NSG2: variants seen among roughly 807,000 people sequenced by gnomAD.
NSG2 encodes the protein neuronal vesicle trafficking-associated protein 2.
In NSG2, 4 loss-of-function variants were observed where a neutral mutation model predicts 16.9. The ratio of observed to expected loss-of-function variants is 0.24; its 90% CI spans 0.12 to 0.54. The LOEUF (loss-of-function observed/expected upper bound fraction) is 0.54, where lower values mean the gene tolerates loss of function less well. NSG2 is among the 20% of genes least tolerant of loss of function. NSG2 has a pLI of 0.95. For synonymous variants in NSG2, 98 were observed against 88.7 expected, an observed-to-expected ratio of 1.11 and a Z score of -0.59; for missense variants, 179 against 221.1, an observed-to-expected ratio of 0.81 and a Z score of 1.21.
chr5:174,092,811 A>G (rs1041928912), intron 3 of NSG2, among the ~76,000 whole-genome samples: 2 of 152,068 alleles, frequency 1.3e-5, no homozygotes, highest in African/African-American at 4.8e-5. Context: ...GCACGTGAGG[A>G]TGCTCTATGT....
At chr5:174,055,405 A>G (rs1759952905) in intron 2 of NSG2, among the ~76,000 whole-genome samples, 1 of 151,350 alleles carries the variant, frequency 6.6e-6, no homozygotes, top group Admixed American at 6.6e-5. Flanking sequence ...CATCCTGGCT[A>G]ACACGGTGAA....
chr5:174,049,183 C>T (rs1013081642), intron 2 of NSG2, among the ~76,000 whole-genome samples: 2 of 151,936 alleles, frequency 1.3e-5, no homozygotes, highest in African/African-American at 4.8e-5. Flanking sequence ...ACTAAAAATA[C>T]AAAAAAATTA....
At chr5:174,057,572 T>C (rs563411228) in intron 2 of NSG2, among the ~76,000 whole-genome samples, 1 of 152,370 alleles carries the variant, frequency 6.6e-6, no homozygotes, top group East Asian at 1.9e-4. Context: ...CCGGTCCCCA[T>C]GCAGTGTACC....
chr5:174,089,817 T>C (rs537991165), intron 3 of NSG2, among the ~76,000 whole-genome samples: 3 of 152,158 alleles, frequency 2.0e-5, no homozygotes, highest in Admixed American at 2.0e-4. Context: ...GATGGGATTT[T>C]GCTATGTTGC....
At chr5:174,060,221 C>G (rs2113429243) in intron 2 of NSG2, among the ~76,000 whole-genome samples, 1 of 152,122 alleles carries the variant, frequency 6.6e-6, no homozygotes, top group East Asian at 1.9e-4. Context: ...TTTTTCAGTT[C>G]TGTCTCCTGT....
intron 2 of NSG2, among the ~76,000 whole-genome samples, chr5:174,049,433 GCA>G (rs1759852917): frequency 1.8e-5 from 2 of 113,636 alleles, no homozygotes; most frequent in African/African-American, 9.1e-5. Context: ...AGCTATATGT[GCA>G]CGCGCACGTG....
chr5:174,065,335 A>T (rs1258542268), intron 3 of NSG2, among the ~76,000 whole-genome samples: 1 of 151,546 alleles, frequency 6.6e-6, no homozygotes, highest in Non-Finnish European at 1.5e-5. Context: ...CTCAAAAAAA[A>T]AAAAAGAAAT....
At chr5:174,078,186 C>T (rs1484893562) in intron 3 of NSG2, among the ~76,000 whole-genome samples, 1 of 152,162 alleles carries the variant, frequency 6.6e-6, no homozygotes, top group Non-Finnish European at 1.5e-5. Flanking sequence ...GCAGAAAGTT[C>T]TGTTAGTCCA....
intron 3 of NSG2, among the ~76,000 whole-genome samples, chr5:174,078,012 A>T (rs1403506090): frequency 6.6e-6 from 1 of 152,190 alleles, no homozygotes; most frequent in Non-Finnish European, 1.5e-5. Flanking sequence ...CCAAATTGGA[A>T]GCCCCTAGCC....
In NSG2 at chr5:174,107,217, C is replaced by G. The variant is rs1481242008; in HGVS notation, c.325-97C>G. The G allele has an allele frequency of 1.7e-6, 2 of 1,144,464 alleles. No homozygotes were observed. Among genetic ancestry groups the G allele is most frequent in the African/African-American group, 3.1e-5 (2 of 64,086 alleles). 70.9% of individuals were successfully genotyped at this position (1,144,464 alleles called of 1,614,324 possible). On this transcript the variant is annotated intron_variant, in intron 4 of 4. Transcript: ENST00000303177. The surrounding 1 kb of genome is among the most constrained non-coding windows in gnomAD (Gnocchi z 4.5). ...CTGTCACCTGCCCTCTGGCTGACAG[C>G]CCGATGCAGCTGCACTCCAGTCAGG...
chr5:174,083,084 T>C lies in NSG2; in HGVS notation c.213+18769T>C, dbSNP rs140300231. 2.4e-4 allele frequency among the ~76,000 whole-genome samples: 36 copies of C among 152,314 alleles called. No homozygotes were observed. The East Asian group carries it at 6.6e-3, about 28-fold the overall frequency. On this transcript the variant is annotated intron_variant, in intron 3 of 4. Coordinates refer to ENST00000303177, the MANE Select transcript of NSG2 (RefSeq NM_015980.5). ...CCACACCCTGGGGCAGGCTGTTCTCTCCACCTGGATCCCCCTTTTACTCTC... is the reference window on the plus strand; with the variant it reads ...CCACACCCTGGGGCAGGCTGTTCTCCCCACCTGGATCCCCCTTTTACTCTC...
intron 3 of NSG2, among the ~76,000 whole-genome samples, chr5:174,097,850 T>C (rs914750382): frequency 5.9e-5 from 9 of 151,726 alleles, no homozygotes; most frequent in Admixed American, 3.9e-4. Context: ...TGTCTGTGTG[T>C]GTGTGTGTGT....
chr5:174,105,670 C>T (rs982960954), intron 4 of NSG2, among the ~76,000 whole-genome samples: 4 of 152,172 alleles, frequency 2.6e-5, no homozygotes, highest in South Asian at 2.1e-4. Flanking sequence ...TCCTAGATTA[C>T]ACTCCAAGTG....
intron 3 of NSG2, among the ~76,000 whole-genome samples, chr5:174,092,762 G>A (rs1760740310): frequency 6.6e-6 from 1 of 152,050 alleles, no homozygotes; most frequent in African/African-American, 2.4e-5. Flanking sequence ...TAGGTGGTGG[G>A]GTCAAGGCTT....
intron 3 of NSG2, among the ~76,000 whole-genome samples, chr5:174,074,646 G>A (rs1378492586): frequency 6.6e-6 from 1 of 152,064 alleles, no homozygotes; most frequent in Non-Finnish European, 1.5e-5. Flanking sequence ...GTACGGCACT[G>A]CAGGCTCTTC....
At chr5:174,097,842 T>C (rs2113472932) in intron 3 of NSG2, among the ~76,000 whole-genome samples, 1 of 150,438 alleles carries the variant, frequency 6.6e-6, no homozygotes, top group Non-Finnish European at 1.5e-5. Context: ...TTTGTGTGTG[T>C]CTGTGTGTGT....
rs952219578 is a variant in NSG2 at position 174,063,864 on chromosome 5, A to G, written c.130-368A>G. Among the ~76,000 whole-genome samples the G allele has an allele frequency of 5.9e-5, 9 of 152,334 alleles. No individual in the cohort carries two copies. In the South Asian group the frequency reaches 1.2e-3, roughly 21 times the overall value. On this transcript the variant is annotated intron_variant, in intron 2 of 4. Coordinates refer to ENST00000303177, the MANE Select transcript of NSG2 (RefSeq NM_015980.5). ...GCCAAAAGGCAAAATACAATGATAT[A>G]TTTGTTTACATTGGAAAATTGGAGA...
intron 3 of NSG2, among the ~76,000 whole-genome samples, chr5:174,080,259 C>G (rs868367438): frequency 1.7e-4 from 26 of 150,418 alleles, no homozygotes; most frequent in African/African-American, 5.8e-4. Context: ...ACTCCTTACC[C>G]ATTCTTGCAT....
chr5:174,091,039 CTTTTTTTTT>C lies in NSG2; in HGVS notation c.214-13177_214-13169del, dbSNP rs35022469. Among the ~76,000 whole-genome samples the C allele has an allele frequency of 1.2e-4, 15 of 124,092 alleles. No homozygotes were observed. The East Asian group carries it at 2.7e-3, about 23-fold the overall frequency. The allele number at this position is 124,092 out of a possible 152,430, so 81.4% of individuals were successfully genotyped here. On this transcript the variant is annotated intron_variant, in intron 3 of 4. Coordinates refer to ENST00000303177, the MANE Select transcript of NSG2 (RefSeq NM_015980.5). ...TTCTTCTTCCTTCCCCTTCTTCTTC[CTTTTTTTTT>C]TTTTTTTTTTTCCATCAACTTTTCT...
Sources: gnomAD v4.1 joint callset for allele counts (sites outside exome capture counted in the v4.1 genomes callset) on GRCh38, gnomAD v4.1.1 for gene constraint, Gnocchi (gnomAD v3.1) non-coding constraint, MANE v1.5 for transcripts, NCBI Gene and HGNC (gene_info 2026-07-23, HGNC 2026-07-21) for gene names.